The following DRC9 variants were observed in gnomAD, a reference collection of about 807,000 sequenced individuals.
The protein encoded by DRC9 is dynein regulatory complex subunit 9.
chr3:197,891,396 T>C, the DRC9 span: 1 of 927,684 alleles, frequency 1.1e-6, no homozygotes, highest in Non-Finnish European at 1.8e-6. Flanking sequence ...TGCTTTTGTG[T>C]TCCTCAGTGT....
At chr3:197,943,281 G>A in the DRC9 span, among the ~76,000 whole-genome samples, 1 of 151,944 alleles carries the variant, frequency 6.6e-6, no homozygotes, top group Non-Finnish European at 1.5e-5. Context: ...GGCCTTTTTG[G>A]GTAAAACCAA....
the DRC9 span, among the ~76,000 whole-genome samples, chr3:197,937,840 C>G: frequency 6.6e-6 from 1 of 152,070 alleles, no homozygotes; most frequent in African/African-American, 2.4e-5. Context: ...GTGAGAGGCT[C>G]ACTGGAAGCC....
chr3:197,905,637 A>G, the DRC9 span, among the ~76,000 whole-genome samples: 2 of 151,726 alleles, frequency 1.3e-5, no homozygotes, highest in Non-Finnish European at 2.9e-5. Flanking sequence ...AATCCCAGCT[A>G]CTCGGGAGGC....
At chr3:197,953,978 C>T in the DRC9 span, 24 of 1,611,766 alleles carry the variant, frequency 1.5e-5, no homozygotes, top group Admixed American at 3.7e-4. Context: ...GCTTGTATTC[C>T]TCTTCTTTCC....
the DRC9 span, among the ~76,000 whole-genome samples, chr3:197,955,512 T>C: frequency 6.6e-6 from 1 of 152,178 alleles, no homozygotes; most frequent in Non-Finnish European, 1.5e-5. Context: ...TCTGCCCGCC[T>C]AGGCCTCCCA....
chr3:197,905,974 G>A, the DRC9 span, among the ~76,000 whole-genome samples: 1 of 151,776 alleles, frequency 6.6e-6, no homozygotes, highest in South Asian at 2.1e-4. Context: ...AGTTGATAAA[G>A]CTTGTCTACC....
chr3:197,909,721 A>G, the DRC9 span, among the ~76,000 whole-genome samples: 1 of 152,240 alleles, frequency 6.6e-6, no homozygotes, highest in Non-Finnish European at 1.5e-5. Flanking sequence ...GGCCGGGTGC[A>G]GTGGCTCATG....
At chr3:197,913,329 C>CGTGCGTGCGTGCGTGT in the DRC9 span, 247 of 192,824 alleles carry the variant, frequency 1.3e-3, no homozygotes, top group Non-Finnish European at 1.8e-3. Context: ...TGCGTGTGTG[C>CGTGCGTGCGTGCGTGT]GTGCGTGCGT....
the DRC9 span, among the ~76,000 whole-genome samples, chr3:197,920,027 C>A: frequency 7.0e-6 from 1 of 143,774 alleles, no homozygotes; most frequent in Non-Finnish European, 1.5e-5. Flanking sequence ...TGGTGAAACC[C>A]CATCTCTACT....
the DRC9 span, among the ~76,000 whole-genome samples, chr3:197,896,292 A>G: frequency 1.3e-5 from 2 of 150,084 alleles, no homozygotes; most frequent in African/African-American, 2.5e-5. Flanking sequence ...GTGGTGAGCC[A>G]AGATCGCACC....
the DRC9 span, among the ~76,000 whole-genome samples, chr3:197,952,840 T>C: frequency 6.6e-6 from 1 of 152,032 alleles, no homozygotes; most frequent in Non-Finnish European, 1.5e-5. Flanking sequence ...TGTAGACTTT[T>C]TTTTTTTTTT....
the DRC9 span, chr3:197,950,592 A>G: frequency 2.7e-6 from 1 of 363,800 alleles, no homozygotes; most frequent in Non-Finnish European, 5.0e-6. Context: ...CATTGCATAA[A>G]AGTCTTACGT....
chr3:197,917,573 T>C, the DRC9 span, among the ~76,000 whole-genome samples: 1 of 152,200 alleles, frequency 6.6e-6, no homozygotes, highest in Non-Finnish European at 1.5e-5. Flanking sequence ...TATTTTCTCA[T>C]CTGTAAAATC....
the DRC9 span, among the ~76,000 whole-genome samples, chr3:197,896,351 AAATT>A: frequency 6.6e-6 from 1 of 152,232 alleles, no homozygotes; most frequent in Non-Finnish European, 1.5e-5. Context: ...TAAAAAAAAA[AAATT>A]AATAAGTAAC....
the DRC9 span, chr3:197,892,484 T>C: frequency 1.0e-6 from 1 of 979,760 alleles, no homozygotes; most frequent in Non-Finnish European, 1.5e-6. Context: ...TACTGTGGCC[T>C]ATTTGCCACT....
chr3:197,904,590 C>T, the DRC9 span, among the ~76,000 whole-genome samples: 1 of 151,966 alleles, frequency 6.6e-6, no homozygotes, highest in Non-Finnish European at 1.5e-5. Flanking sequence ...TGGGGCCGGG[C>T]GTGGTGGCTC....
the DRC9 span, among the ~76,000 whole-genome samples, chr3:197,900,039 A>G: frequency 6.6e-6 from 1 of 152,168 alleles, no homozygotes; most frequent in Non-Finnish European, 1.5e-5. The surrounding 1 kb of genome is among the most constrained non-coding windows in gnomAD (Gnocchi z 4.7). Flanking sequence ...ACCGGGTTGA[A>G]CTCGGGTGAC....
the DRC9 span, among the ~76,000 whole-genome samples, chr3:197,952,086 G>A: frequency 1.3e-5 from 2 of 151,116 alleles, no homozygotes; most frequent in Admixed American, 6.6e-5. Context: ...TTTTTTTCTC[G>A]GCTCCTTTTG....
the DRC9 span, among the ~76,000 whole-genome samples, chr3:197,904,647 G>A: frequency 6.6e-6 from 1 of 152,016 alleles, no homozygotes; most frequent in Non-Finnish European, 1.5e-5. Flanking sequence ...GATCACCTGA[G>A]GTCAGAAGTT....
Sources: gnomAD v4.1 joint callset for allele counts (sites outside exome capture counted in the v4.1 genomes callset) on GRCh38, gnomAD v4.1.1 for gene constraint, Gnocchi (gnomAD v3.1) non-coding constraint, MANE v1.5 for transcripts, NCBI Gene and HGNC (gene_info 2026-07-23, HGNC 2026-07-21) for gene names.